Variants in NEB observed in about 807,000 individuals in gnomAD.
The protein encoded by NEB is nebulin.
Under a neutral mutation model 952.2 loss-of-function variants are expected in NEB, and 512 were observed. The ratio of observed to expected loss-of-function variants is 0.54; its 90% CI spans 0.50 to 0.58. The LOEUF (loss-of-function observed/expected upper bound fraction) is 0.58. NEB is among the 20% of genes least tolerant of loss of function. The pLI is 0.00. For missense variants in NEB, 8,428 were observed against 9,231.1 expected, an observed-to-expected ratio of 0.91 and a Z score of 3.56; for synonymous variants, 2,900 against 3,149.8, an observed-to-expected ratio of 0.92 and a Z score of 2.66.
chr2:151,609,866 G>C lies in NEB; in HGVS notation c.12273C>G (p.Cys4091Trp). The C allele has an allele frequency of 6.2e-7, 1 of 1,611,758 alleles. No homozygotes were observed. Among genetic ancestry groups the C allele is most frequent in the South Asian group, 1.1e-5 (1 of 90,940 alleles). The change falls in exon 81 of 182, where the codon TGC becomes TGG. Residue 4091 changes from cysteine to tryptophan, a missense_variant. This residue lies in a region of NEB where 337 missense variants were observed against 297.5 expected (regional missense o/e 1.13). Transcript: ENST00000397345. ...DYRNYLHEWT[C>W]MPDQNDIIQA... Reference sequence around the variant, plus strand: ...GGATAATGTCGTTTTGATCCGGCATGCATGTCCATTCATGCAGGTAATTGC... The same window carrying C: ...GGATAATGTCGTTTTGATCCGGCATCCATGTCCATTCATGCAGGTAATTGC...
At chr2:151,695,276 A>G (rs2099587809) in intron 18 of NEB, among the ~76,000 whole-genome samples, 1 of 152,194 alleles carries the variant, frequency 6.6e-6, no homozygotes, top group Non-Finnish European at 1.5e-5. Context: ...AAATGAATAT[A>G]TGGCTAAAAG....
chr2:151,687,171 T>G (rs536418256), intron 27 of NEB, among the ~76,000 whole-genome samples: 5 of 152,332 alleles, frequency 3.3e-5, no homozygotes, highest in African/African-American at 1.2e-4. Context: ...CAATCAATAT[T>G]CTATTAAATA....
At chr2:151,676,852 C>T (rs777716887) in intron 34 of NEB, among the ~76,000 whole-genome samples, 1 of 152,154 alleles carries the variant, frequency 6.6e-6, no homozygotes, top group Admixed American at 6.5e-5. Flanking sequence ...TTTCTATATC[C>T]CATGAATCCT....
chr2:151,544,953 T>C (rs1193218014), intron 135 of NEB, among the ~76,000 whole-genome samples: 1 of 152,222 alleles, frequency 6.6e-6, no homozygotes, highest in Non-Finnish European at 1.5e-5. Flanking sequence ...CCATTTACAC[T>C]TGTGAAATGC....
chr2:151,502,544 G>A (rs1439013407), intron 167 of NEB, among the ~76,000 whole-genome samples: 1 of 152,048 alleles, frequency 6.6e-6, no homozygotes, highest in African/African-American at 2.4e-5. Flanking sequence ...TGTTATTAAA[G>A]GAGGAATGGA....
In NEB at chr2:151,526,055, T is replaced by C. The variant is rs1486656303; in HGVS notation, c.22064A>G (p.Asp7355Gly). 2 of 1,613,718 alleles carry C rather than the reference T, an allele frequency of 1.2e-6. No homozygotes were observed. Among genetic ancestry groups the C allele is most frequent in the East Asian group, 2.2e-5 (1 of 44,896 alleles). Residue 7355 changes from aspartate (D) to glycine (G), a missense_variant, in exon 150 of 182, where the codon GAC becomes GGC. Asp to Gly is a moderately conservative substitution (Grantham distance 94, BLOSUM62 -1). Around this residue, in one of 11 missense-constraint regions of NEB, gnomAD observed 3,374 missense variants for 3,651.5 expected, o/e 0.92. Transcript: ENST00000397345. The part of the protein sequence containing the change: ...SNLVSENKYK[D>G]HVKKHLAQGS... The stretch of plus-strand genomic sequence containing the variant: ...CTGTGCCAAGTGCTTCTTGACATGG[T>C]CCTTGTACTTGTTCTGGGGGAATCC...
chr2:151,730,614 G>GT (rs1491102079), intron 3 of NEB, among the ~76,000 whole-genome samples: 8 of 66,506 alleles, frequency 1.2e-4, no homozygotes, highest in East Asian at 4.3e-4. Context: ...TCATTTCTTA[G>GT]TGAAAAAAAA....
chr2:151,630,903 T>C, intron 66 of NEB, 84 bp from the exon 67 acceptor site: 1 of 1,300,516 alleles, frequency 7.7e-7, no homozygotes, highest in Non-Finnish European at 1.0e-6. Flanking sequence ...ATTACTGACC[T>C]AATTAGGAAA....
rs767760371 is a variant in NEB, at chr2:151,666,167, A to T, written c.4954T>A (p.Ser1652Thr). The change falls in exon 41 of 182, where the codon TCA (serine) becomes ACA (threonine). Residue 1652 changes from serine to threonine, a missense_variant. By Grantham distance (58) the Ser-to-Thr change is moderately conservative. Transcript: ENST00000397345. ...GGCAGGAGAGTGTAGTGGTGGTATGACTGTCTGTAGTTGGCGTTGGTGGCA... is the reference window on the plus strand; with the variant it reads ...GGCAGGAGAGTGTAGTGGTGGTATGTCTGTCTGTAGTTGGCGTTGGTGGCA... ...EVATNANYRQ[S>T]YHHYTLLPDA... 1.2e-6 allele frequency: 2 copies of T among 1,613,918 alleles called. No individual in the cohort carries two copies. Among genetic ancestry groups the T allele is most frequent in the Non-Finnish European group, 1.7e-6 (2 of 1,179,842 alleles).
At chr2:151,657,654 G>A (rs1309589005) in intron 48 of NEB, among the ~76,000 whole-genome samples, 3 of 152,172 alleles carry the variant, frequency 2.0e-5, no homozygotes, top group Non-Finnish European at 4.4e-5. Flanking sequence ...CGAAGAAGCA[G>A]GAGGCAAGAA....
chr2:151,545,789 C>T, intron 135 of NEB, 99 bp downstream of exon 135: 1 of 693,956 alleles, frequency 1.4e-6, no homozygotes, highest in Non-Finnish European at 2.4e-6. Flanking sequence ...GCCGCAGTTG[C>T]CTGAACAGCG....
chr2:151,699,893 T>C (rs1200440329), intron 13 of NEB, among the ~76,000 whole-genome samples: 3 of 151,662 alleles, frequency 2.0e-5, no homozygotes, highest in African/African-American at 7.3e-5. Flanking sequence ...CAATTTTGGC[T>C]TTTGTTGCCA....
At position 151,617,348 on chromosome 2, in the gene NEB, T is replaced by C. The variant is rs1358650451; in HGVS notation, c.11181+16A>G. The C allele has an allele frequency of 2.0e-6, 3 of 1,507,784 alleles. No homozygotes were observed. Among genetic ancestry groups the C allele is most frequent in the Admixed American group, 2.0e-5 (1 of 50,566 alleles). 93.4% of individuals were successfully genotyped at this position (1,507,784 alleles called of 1,614,324 possible). On this transcript the variant is annotated intron_variant, in intron 75 of 181. Transcript: ENST00000397345. ...TTTTGCCTTTCTGTTCATTACAAGA[T>C]CAACAGTTTACTTACATCACTGTAG...
intron 48 of NEB, among the ~76,000 whole-genome samples, chr2:151,657,455 A>G (rs2099097858): frequency 1.3e-5 from 2 of 152,214 alleles, no homozygotes; most frequent in African/African-American, 2.4e-5. Flanking sequence ...CGGCCAGCGC[A>G]GGGAAAGCCT....
At chr2:151,714,695 T>C (rs1577428484) in intron 10 of NEB, among the ~76,000 whole-genome samples, 1 of 152,174 alleles carries the variant, frequency 6.6e-6, no homozygotes, top group East Asian at 1.9e-4. Context: ...TGAGTTTAAA[T>C]GCATGTGAGT....
chr2:151,698,242 A>AT (rs1372098896), intron 13 of NEB, among the ~76,000 whole-genome samples: 1 of 152,184 alleles, frequency 6.6e-6, no homozygotes, highest in African/African-American at 2.4e-5. Flanking sequence ...CTTTATTGAG[A>AT]TTTAATGCAT....
At chr2:151,520,165 A>C (rs2080957235) in intron 153 of NEB, among the ~76,000 whole-genome samples, 1 of 152,186 alleles carries the variant, frequency 6.6e-6, no homozygotes, top group South Asian at 2.1e-4. Context: ...GTGAAATCCA[A>C]AGAAGGGCTG....
At position 151,664,488 on chromosome 2, in the gene NEB, T is replaced by C; in HGVS notation, c.5451+13A>G. 2 of 1,557,762 alleles carry C rather than the reference T, an allele frequency of 1.3e-6. No homozygotes were observed. Among genetic ancestry groups the C allele is most frequent in the Non-Finnish European group, 1.7e-6 (2 of 1,154,210 alleles). ...CTTGCTCAACCCCAAAAAGGCCCAG[T>C]GCAAGCACTTACATCACTGGCAATG... On this transcript the variant is annotated intron_variant, in intron 44 of 181. Coordinates refer to ENST00000397345, the MANE Select transcript of NEB (RefSeq NM_001164508.2).
intron 78 of NEB, 106 bp downstream of exon 78, chr2:151,612,080 G>T: frequency 8.2e-7 from 1 of 1,213,982 alleles, no homozygotes; most frequent in Non-Finnish European, 1.2e-6. Flanking sequence ...TGAGAATCAG[G>T]CCTATGACAC....
Sources: gnomAD v4.1 joint callset for allele counts (sites outside exome capture counted in the v4.1 genomes callset) on GRCh38, gnomAD v4.1.1 for gene constraint, gnomAD v4.1.1 regional missense constraint, MANE v1.5 for transcripts, NCBI Gene and HGNC (gene_info 2026-07-23, HGNC 2026-07-21) for gene names.